ROBO1: variants seen among roughly 807,000 people sequenced by gnomAD.
The protein encoded by ROBO1 is roundabout guidance receptor 1.
ROBO1 carries 149 observed loss-of-function variants against 195.9 expected under a neutral mutation model. That is an observed-to-expected ratio of 0.76 (90% confidence interval 0.67 to 0.87). The LOEUF (loss-of-function observed/expected upper bound fraction) is 0.87. ROBO1 is among the 40% of genes least tolerant of loss of function. The pLI, the probability that ROBO1 is intolerant of heterozygous loss-of-function variation, is 0.00. For synonymous variants in ROBO1, 816 were observed against 733.2 expected, an observed-to-expected ratio of 1.11 and a Z score of -1.82; for missense variants, 1,933 against 2,068.3, an observed-to-expected ratio of 0.93 and a Z score of 1.27.
At chr3:78,753,849 A>G (rs567200844) in intron 4 of ROBO1, among the ~76,000 whole-genome samples, 2 of 152,352 alleles carry the variant, frequency 1.3e-5, no homozygotes, top group South Asian at 2.1e-4. Flanking sequence ...CTAAAATCAT[A>G]TGTTCTAACT....
chr3:79,154,746 T>C (rs2080829918), intron 2 of ROBO1, among the ~76,000 whole-genome samples: 1 of 151,818 alleles, frequency 6.6e-6, no homozygotes, highest in Non-Finnish European at 1.5e-5. Flanking sequence ...ATACTACTTA[T>C]CAATCCTGTA....
intron 19 of ROBO1, 95 bp downstream of exon 19, chr3:78,651,635 TTA>T: frequency 1.0e-6 from 1 of 992,908 alleles, no homozygotes; most frequent in Non-Finnish European, 1.4e-6. Context: ...AAAACAAGTT[TTA>T]GAGGATATGC....
At chr3:78,911,899 G>T (rs1271397483) in intron 4 of ROBO1, among the ~76,000 whole-genome samples, 1 of 152,024 alleles carries the variant, frequency 6.6e-6, no homozygotes, top group African/African-American at 2.4e-5. Context: ...CCGCTATTTT[G>T]ATTCCAATAC....
chr3:79,736,447 A>G (rs1273200218), intron 1 of ROBO1, among the ~76,000 whole-genome samples: 4 of 152,190 alleles, frequency 2.6e-5, no homozygotes, highest in African/African-American at 9.6e-5. Context: ...TCTGGCTTCT[A>G]TGAGGAGAAT....
At chr3:78,970,109 G>A (rs989186532) in intron 3 of ROBO1, among the ~76,000 whole-genome samples, 1 of 151,944 alleles carries the variant, frequency 6.6e-6, no homozygotes, top group Non-Finnish European at 1.5e-5. Context: ...ACTCATTAAA[G>A]GTGAAGAAAA....
chr3:79,328,327 G>A (rs1209823266), intron 2 of ROBO1, among the ~76,000 whole-genome samples: 4 of 152,024 alleles, frequency 2.6e-5, no homozygotes, highest in Non-Finnish European at 5.9e-5. Flanking sequence ...AATATATGAA[G>A]AGGACAGTTG....
chr3:79,635,567 T>G (rs956266925), intron 1 of ROBO1, among the ~76,000 whole-genome samples: 2 of 152,200 alleles, frequency 1.3e-5, no homozygotes, highest in African/African-American at 4.8e-5. Context: ...GTGGAGAATA[T>G]TCTTTGAATT....
chr3:78,597,561 C>CAATT lies in ROBO1; in HGVS notation c.*1348_*1351dup, dbSNP rs1239337974. The CAATT allele has an allele frequency of 6.6e-6, 1 of 151,530 alleles. No individual in the cohort carries two copies. Among genetic ancestry groups the CAATT allele is most frequent in the African/African-American group, 2.4e-5 (1 of 40,836 alleles). 9.4% of individuals were successfully genotyped at this position (151,530 alleles called of 1,614,324 possible). A position where few individuals can be genotyped will look rare whatever the true frequency, so the allele number is the denominator to read the frequency against. ...GTACATTTTTTTCTTCAAATAGCACCAATTATAAAATCAATGATATTCATA... is the reference window on the plus strand; with the variant it reads ...GTACATTTTTTTCTTCAAATAGCACCAATTAATTATAAAATCAATGATATTCATA... On this transcript the variant is annotated 3_prime_UTR_variant, in exon 31 of 31. Coordinates refer to ENST00000464233, the MANE Select transcript of ROBO1 (RefSeq NM_002941.4).
chr3:79,573,963 G>A (rs921878767), intron 2 of ROBO1, among the ~76,000 whole-genome samples: 1 of 151,974 alleles, frequency 6.6e-6, no homozygotes, highest in East Asian at 1.9e-4. Context: ...TATTACCTAC[G>A]ATCATGAAGC....
chr3:79,725,356 A>G (rs1283280321), intron 1 of ROBO1, among the ~76,000 whole-genome samples: 2 of 150,224 alleles, frequency 1.3e-5, no homozygotes, highest in Admixed American at 1.3e-4. Context: ...CCTCCCGAGT[A>G]GCTGGGACTA....
Position 79,743,074 on chromosome 3 carries a change from C to A in ROBO1, c.-51+24678G>T, listed in dbSNP as rs1703716741. 2.0e-5 allele frequency among the ~76,000 whole-genome samples: 3 copies of A among 152,198 alleles called. No homozygotes were observed. In the South Asian group the frequency reaches 6.2e-4, roughly 32 times the overall value. ...TAGAGCCTTGTTTAACTCAACCATC[C>A]ATCCAACCATGACTTTATGGGCAGT... is the stretch of plus-strand genomic sequence containing the variant. On this transcript the variant is annotated intron_variant, in intron 1 of 30. Coordinates refer to ENST00000464233, the MANE Select transcript of ROBO1 (RefSeq NM_002941.4).
At chr3:78,656,985 T>A in intron 18 of ROBO1, 113 bp downstream of exon 18, 1 of 974,118 alleles carries the variant, frequency 1.0e-6, no homozygotes, top group Non-Finnish European at 1.5e-6. Context: ...CTAAGCCATA[T>A]TCCATATTCT....
chr3:79,520,314 A>C (rs1047486969), intron 2 of ROBO1, among the ~76,000 whole-genome samples: 1 of 152,168 alleles, frequency 6.6e-6, no homozygotes, highest in Non-Finnish European at 1.5e-5. Flanking sequence ...CTTCTAAAAC[A>C]CAAGTGAAGA....
At chr3:79,368,028 G>A (rs550422724) in intron 2 of ROBO1, among the ~76,000 whole-genome samples, 9 of 152,184 alleles carry the variant, frequency 5.9e-5, no homozygotes, top group African/African-American at 1.9e-4. Flanking sequence ...TGCAACCTCC[G>A]CCTCCTGGGT....
Position 78,668,128 on chromosome 3 carries a change from C to T in ROBO1, c.1799+6G>A. 5 of 1,612,868 alleles carry T rather than the reference C, an allele frequency of 3.1e-6. No individual in the cohort carries two copies. The highest frequency in any genetic ancestry group is 2.2e-5 in the East Asian group (1 of 44,862). On this transcript the variant is annotated splice_donor_region_variant and intron_variant, in intron 13 of 30. Transcript: ENST00000464233. ...GAACAACTAGGAAGCATCTCCTTCA[C>T]TCTACCTGAAGGCTTCTATAATATA...
At chr3:79,548,273 T>A (rs1192085705) in intron 2 of ROBO1, among the ~76,000 whole-genome samples, 1 of 152,218 alleles carries the variant, frequency 6.6e-6, no homozygotes, top group East Asian at 1.9e-4. Context: ...ATATCATTGA[T>A]CCTTTTGGAA....
intron 2 of ROBO1, among the ~76,000 whole-genome samples, chr3:79,277,798 A>AC (rs1553711868): frequency 3.1e-4 from 47 of 151,622 alleles, no homozygotes; most frequent in Non-Finnish European, 2.9e-5. Context: ...AATAAAAAAA[A>AC]ACACACACTT....
chr3:78,993,383 C>T (rs1345099528), intron 3 of ROBO1, among the ~76,000 whole-genome samples: 1 of 152,172 alleles, frequency 6.6e-6, no homozygotes, highest in Non-Finnish European at 1.5e-5. Flanking sequence ...TATTTTCCCC[C>T]TCATAGTTGT....
At chr3:79,742,550 T>A (rs1480627541) in intron 1 of ROBO1, among the ~76,000 whole-genome samples, 1 of 152,196 alleles carries the variant, frequency 6.6e-6, no homozygotes, top group Non-Finnish European at 1.5e-5. Flanking sequence ...ATGTGCTATG[T>A]GCTTGCTTCC....
Sources: gnomAD v4.1 joint callset for allele counts (sites outside exome capture counted in the v4.1 genomes callset) on GRCh38, gnomAD v4.1.1 for gene constraint, MANE v1.5 for transcripts, NCBI Gene and HGNC (gene_info 2026-07-23, HGNC 2026-07-21) for gene names.